The following NEU3 variants were observed in gnomAD, a reference collection of about 807,000 sequenced individuals.
NEU3 encodes sialidase-3.
NEU3 carries 10 observed loss-of-function variants against 11.4 expected under a neutral mutation model. The observed-to-expected ratio is 0.88, with a 90% CI of 0.54 to 1.49. NEU3 has a LOEUF of 1.49. Among genes scored for constraint, NEU3 ranks in the 40% most tolerant of loss-of-function variants. NEU3 has a pLI of 0.00. For missense variants in NEU3, 529 were observed against 581.8 expected, an observed-to-expected ratio of 0.91 and a Z score of 0.93; for synonymous variants, 212 against 228.2, an observed-to-expected ratio of 0.93 and a Z score of 0.64.
intron 2 of NEU3, among the ~76,000 whole-genome samples, 189 bp from the exon 3 acceptor site, chr11:75,005,224 G>T (rs1300417323): frequency 6.6e-6 from 1 of 152,152 alleles, no homozygotes. Flanking sequence ...ACAACATTTA[G>T]CATTGTCTCT....
chr11:75,011,538 T>G (rs1416099726), downstream of NEU3, among the ~76,000 whole-genome samples: 1 of 152,140 alleles, frequency 6.6e-6, no homozygotes, highest in African/African-American at 2.4e-5. Flanking sequence ...AAAAACATCC[T>G]TGGCTGGTGG....
rs1484171954 is a variant in NEU3 at position 75,010,253 on chromosome 11, A to G, written c.*3761A>G. ...GAATCACAGTGGCTTATCTAAAAAT[A>G]TAAGCTTTTTTCTGTCATATTCTGA... On this transcript the variant is annotated 3_prime_UTR_variant, in exon 3 of 3. Transcript: ENST00000294064. 1.3e-5 allele frequency: 2 copies of G among 152,212 alleles called. No homozygotes were observed. Among genetic ancestry groups the G allele is most frequent in the African/African-American group, 4.8e-5 (2 of 41,454 alleles). The allele number at this position is 152,212 out of a possible 1,614,324, so 9.4% of individuals were successfully genotyped here.
intron 2 of NEU3, among the ~76,000 whole-genome samples, chr11:75,002,645 C>A (rs1219193884): frequency 1.3e-5 from 2 of 152,036 alleles, no homozygotes; most frequent in African/African-American, 2.4e-5. Context: ...CTCAATGAGC[C>A]CTTATGACAA....
chr11:75,000,793 A>G (rs1240675070), intron 2 of NEU3, among the ~76,000 whole-genome samples: 1 of 148,112 alleles, frequency 6.8e-6, no homozygotes, highest in Non-Finnish European at 1.5e-5. Flanking sequence ...TTATTTATTT[A>G]TTTATTTATT....
downstream of NEU3, among the ~76,000 whole-genome samples, chr11:75,013,829 C>T (rs1948969998): frequency 2.0e-5 from 3 of 152,152 alleles, no homozygotes; most frequent in Admixed American, 2.0e-4. Context: ...CAATACATTC[C>T]AATGTCACAC....
rs1565497626 is a variant in NEU3 at position 75,006,083 on chromosome 11, A to T, written c.977A>T (p.His326Leu). ...VVSFRPLEIP[H>L]RCQDSSSKDA... is the part of the protein sequence containing the mutation. ...AGTTTCCGGCCCCTGGAGATCCCAC[A>T]TAGGTGCCAGGACTCTAGCAGCAAA... Residue 326 changes from histidine (H) to leucine (L), a missense_variant, in exon 3 of 3, where the codon CAT (histidine) becomes CTT (leucine). Coordinates refer to ENST00000294064, the MANE Select transcript of NEU3 (RefSeq NM_006656.6). The T allele has an allele frequency of 6.2e-7, 1 of 1,614,002 alleles. No homozygotes were observed. Among genetic ancestry groups the T allele is most frequent in the Non-Finnish European group, 8.5e-7 (1 of 1,179,894 alleles).
chr11:75,011,635 G>T (rs1948956012), downstream of NEU3, among the ~76,000 whole-genome samples: 1 of 152,194 alleles, frequency 6.6e-6, no homozygotes, highest in Non-Finnish European at 1.5e-5. Flanking sequence ...CCTGATGATA[G>T]CCAGTAGGGT....
chr11:75,017,102 AC>A (rs372322004), intron 3 of NEU3, among the ~76,000 whole-genome samples: 3 of 152,266 alleles, frequency 2.0e-5, no homozygotes, highest in African/African-American at 7.2e-5. Context: ...AAGAATCTCC[AC>A]CCCTTATATG....
At chr11:74,996,400 A>G (rs574055551) in intron 2 of NEU3, among the ~76,000 whole-genome samples, 1 of 152,210 alleles carries the variant, frequency 6.6e-6, no homozygotes, top group Non-Finnish European at 1.5e-5. Context: ...TCCCATCTCA[A>G]AAAACTACTT....
chr11:75,000,538 C>T (rs879543714), intron 2 of NEU3, among the ~76,000 whole-genome samples: 2 of 151,916 alleles, frequency 1.3e-5, no homozygotes, highest in Admixed American at 1.3e-4. Context: ...AAGTTTCATC[C>T]ATGTTGTAGC....
At chr11:74,981,517 T>C in the NEU3 span, among the ~76,000 whole-genome samples, 82 of 152,282 alleles carry the variant, frequency 5.4e-4, no homozygotes, top group African/African-American at 1.9e-3. Flanking sequence ...TCTGCATATG[T>C]AGTCATCCAT....
chr11:74,990,241 C>T (rs983519046), intron 1 of NEU3: 1 of 474,478 alleles, frequency 2.1e-6, no homozygotes, highest in East Asian at 3.3e-5. Context: ...GAATCCAAGA[C>T]CTAGAGGTTG....
chr11:74,989,784 A>G (rs1423135448), intron 1 of NEU3, among the ~76,000 whole-genome samples: 1 of 152,186 alleles, frequency 6.6e-6, no homozygotes, highest in Admixed American at 6.5e-5. Context: ...CTTGCTAGTA[A>G]GTGTCAAAGA....
downstream of NEU3, among the ~76,000 whole-genome samples, chr11:75,013,461 C>T (rs1048653856): frequency 1.3e-5 from 2 of 152,210 alleles, no homozygotes; most frequent in Non-Finnish European, 2.9e-5. Flanking sequence ...GAGGGAACTC[C>T]AAGGTGGACG....
downstream of NEU3, among the ~76,000 whole-genome samples, chr11:75,015,708 G>A (rs754262992): frequency 6.6e-6 from 1 of 152,166 alleles, no homozygotes; most frequent in Non-Finnish European, 1.5e-5. Context: ...CCAGCCTCAT[G>A]AGGTAGGAGG....
At chr11:74,981,885 AAGTCCTACCTGAAGAAAG>A in the NEU3 span, among the ~76,000 whole-genome samples, 2 of 152,150 alleles carry the variant, frequency 1.3e-5, no homozygotes, top group East Asian at 3.9e-4. Context: ...GTCCTGAGAA[AAGTCCTACCTGAAGAAAG>A]AGTCCTACCT....
chr11:74,981,963 C>G, the NEU3 span, among the ~76,000 whole-genome samples: 2 of 152,050 alleles, frequency 1.3e-5, no homozygotes, highest in African/African-American at 2.4e-5. Flanking sequence ...AACATGCTGC[C>G]CAGATTGTAC....
downstream of NEU3, among the ~76,000 whole-genome samples, chr11:75,019,642 C>G (rs1948995633): frequency 6.6e-6 from 1 of 152,204 alleles, no homozygotes; most frequent in African/African-American, 2.4e-5. Context: ...TTGAGCCTCC[C>G]AGTGCACAGA....
downstream of NEU3, among the ~76,000 whole-genome samples, chr11:75,012,809 T>C (rs1044742760): frequency 6.6e-6 from 1 of 152,180 alleles, no homozygotes; most frequent in African/African-American, 2.4e-5. Context: ...TGATAGTAAC[T>C]GACACAGTAC....
Sources: allele counts gnomAD v4.1 joint callset (sites outside exome capture counted in the v4.1 genomes callset), GRCh38; gene constraint gnomAD v4.1.1; transcripts MANE v1.5; gene names NCBI Gene and HGNC (gene_info 2026-07-23, HGNC 2026-07-21).